The following TRPM1 variants were observed in gnomAD, a reference collection of about 807,000 sequenced individuals.
TRPM1 encodes TRPM1-203 APA Isoform, Intron 10.
TRPM1 carries 113 observed loss-of-function variants against 149.4 expected under a neutral mutation model. The ratio of observed to expected loss-of-function variants is 0.76; its 90% CI spans 0.65 to 0.88. The LOEUF is 0.88. Among genes scored for constraint, TRPM1 ranks in the 40% least tolerant of loss-of-function variants. The pLI, the probability that TRPM1 is intolerant of heterozygous loss-of-function variation, is 0.00. For missense variants in TRPM1, 1,976 were observed against 2,038.7 expected (o/e 0.97, Z 0.59); for synonymous variants, 741 against 759.5 (o/e 0.98, Z 0.40).
intron 27 of TRPM1, among the ~76,000 whole-genome samples, chr15:31,012,721 CTT>C (rs762861621): frequency 1.3e-5 from 2 of 152,108 alleles, no homozygotes; most frequent in Non-Finnish European, 2.9e-5. Flanking sequence ...TCCCTTCTCT[CTT>C]TCTATAACTC....
At chr15:31,019,930 A>G (rs2032499682) in intron 27 of TRPM1, among the ~76,000 whole-genome samples, 1 of 152,204 alleles carries the variant, frequency 6.6e-6, no homozygotes, top group Non-Finnish European at 1.5e-5. Context: ...CGGCCTCCCA[A>G]AGTGCTAGGA....
intron 1 of TRPM1, among the ~76,000 whole-genome samples, chr15:31,092,745 G>A (rs548554012): frequency 2.0e-5 from 3 of 152,188 alleles, no homozygotes; most frequent in East Asian, 1.9e-4. Context: ...GCCCAGCCGC[G>A]GTAGCATGTA....
chr15:31,005,672 C>T (rs372000987), intron 27 of TRPM1, among the ~76,000 whole-genome samples: 33 of 152,216 alleles, frequency 2.2e-4, no homozygotes, highest in African/African-American at 7.7e-4. Flanking sequence ...CTATGCCAAA[C>T]GATGGGAAGT....
chr15:31,083,748 G>C (rs2034924236), intron 1 of TRPM1, among the ~76,000 whole-genome samples: 1 of 152,290 alleles, frequency 6.6e-6, no homozygotes, highest in African/African-American at 2.4e-5. Flanking sequence ...TCCTGCTCTG[G>C]CTTCTCAGGG....
At chr15:31,072,871 TA>T (rs941981234) in intron 3 of TRPM1, among the ~76,000 whole-genome samples, 1 of 151,838 alleles carries the variant, frequency 6.6e-6, no homozygotes, top group African/African-American at 2.4e-5. Context: ...TTGGGTTATT[TA>T]TTTTTTTTTA....
At chr15:31,121,964 A>C (rs896264662) in intron 1 of TRPM1, among the ~76,000 whole-genome samples, 3 of 152,220 alleles carry the variant, frequency 2.0e-5, no homozygotes, top group Non-Finnish European at 2.9e-5. Flanking sequence ...ATGTATAAAG[A>C]ACAATACATA....
intron 27 of TRPM1, among the ~76,000 whole-genome samples, chr15:31,007,631 G>A (rs758016794): frequency 5.8e-5 from 5 of 85,568 alleles, no homozygotes; most frequent in African/African-American, 1.1e-4. Context: ...GGGAGACTTC[G>A]TCTATAACAA....
intron 3 of TRPM1, among the ~76,000 whole-genome samples, chr15:31,072,574 T>C (rs531328873): frequency 5.3e-5 from 8 of 152,290 alleles, no homozygotes; most frequent in African/African-American, 1.9e-4. Flanking sequence ...GGTTACTCTA[T>C]GTTTAATCTT....
intron 22 of TRPM1, among the ~76,000 whole-genome samples, chr15:31,031,973 T>C (rs1011783480): frequency 4.6e-5 from 7 of 151,400 alleles, no homozygotes; most frequent in Non-Finnish European, 1.0e-4. Context: ...CTCCGGCTTC[T>C]ACCACATGTT....
chr15:31,100,086 C>CTT (rs1157034431), intron 1 of TRPM1, among the ~76,000 whole-genome samples: 61 of 144,694 alleles, frequency 4.2e-4, no homozygotes, highest in East Asian at 1.4e-3. Context: ...TTCTTTCCTT[C>CTT]TTTTTTTTTT....
intron 1 of TRPM1, among the ~76,000 whole-genome samples, chr15:31,090,035 A>AT (rs2140999487): frequency 6.6e-6 from 1 of 152,344 alleles, no homozygotes; most frequent in East Asian, 1.9e-4. Flanking sequence ...AATGGAACAA[A>AT]TTAAAAGTAT....
At chr15:31,133,163 G>A (rs783034) in intron 1 of TRPM1, among the ~76,000 whole-genome samples, 74,228 of 152,074 alleles carry the variant, frequency 0.49, 19,135 homozygotes, top group East Asian at 0.94. Context: ...GTGGCCGAGC[G>A]TGGTGGCTCA....
intron 1 of TRPM1, among the ~76,000 whole-genome samples, chr15:31,094,033 T>C (rs2035311571): frequency 6.6e-6 from 1 of 152,178 alleles, no homozygotes; most frequent in Non-Finnish European, 1.5e-5. Context: ...TGGAGTAAGA[T>C]TGAGATTTCA....
intron 27 of TRPM1, among the ~76,000 whole-genome samples, chr15:31,014,438 G>T (rs1412935500): frequency 6.6e-6 from 1 of 152,172 alleles, no homozygotes; most frequent in South Asian, 2.1e-4. Context: ...AGGAATGCAG[G>T]TTGTTGTTTT....
chr15:31,042,342 A>ATTTTT, intron 16 of TRPM1, 99 bp from the exon 17 acceptor site: 3 of 1,249,940 alleles, frequency 2.4e-6, no homozygotes, highest in Admixed American at 2.1e-5. Context: ...GTCAGAGGTA[A>ATTTTT]TAAAGAGACT....
intron 1 of TRPM1, among the ~76,000 whole-genome samples, chr15:31,144,088 C>G (rs549227493): frequency 6.6e-6 from 1 of 152,254 alleles, no homozygotes; most frequent in Non-Finnish European, 1.5e-5. Context: ...ATATTGGACA[C>G]TGCAGGCAAA....
At chr15:31,120,851 A>G (rs991043487) in intron 1 of TRPM1, among the ~76,000 whole-genome samples, 1 of 152,210 alleles carries the variant, frequency 6.6e-6, no homozygotes, top group South Asian at 2.1e-4. Flanking sequence ...TGAAAATGAA[A>G]ACACAATTTA....
intron 2 of TRPM1, among the ~76,000 whole-genome samples, chr15:31,077,403 T>A (rs1451669494): frequency 1.3e-5 from 2 of 151,928 alleles, no homozygotes; most frequent in Non-Finnish European, 2.9e-5. Context: ...TGGTGCTGGA[T>A]GCTCAGCGAT....
rs774535578 is a variant in TRPM1, at chr15:31,040,146, A to G, written c.2288T>C (p.Leu763Pro). ...CAGGCCGGGGTTCTTCCGCATCCGCAGTCTTCCCATCCACATATCGGTCAG... is the reference window on the plus strand; with the variant it reads ...CAGGCCGGGGTTCTTCCGCATCCGCGGTCTTCCCATCCACATATCGGTCAG... The part of the protein sequence containing the change: ...MLLTDMWMGR[L>P]RMRKNPGLKV... The change falls in exon 18 of 28, where the codon CTG becomes CCG. Residue 763 changes from leucine (L) to proline (P), a missense_variant. Transcript: ENST00000256552. The surrounding 1 kb of genome is among the most constrained non-coding windows in gnomAD (Gnocchi z 4.2). 1.1e-5 allele frequency: 17 copies of G among 1,614,098 alleles called. 1 individual carries two copies. In the South Asian group the frequency reaches 1.8e-4, roughly 17 times the overall value.
Sources: gnomAD v4.1 joint callset for allele counts (sites outside exome capture counted in the v4.1 genomes callset) on GRCh38, gnomAD v4.1.1 for gene constraint, Gnocchi (gnomAD v3.1) non-coding constraint, MANE v1.5 for transcripts, NCBI Gene and HGNC (gene_info 2026-07-23, HGNC 2026-07-21) for gene names.